CAST: variants seen among roughly 807,000 people sequenced by gnomAD.
CAST encodes MIR583 host.
In CAST, 76 loss-of-function variants were observed where a neutral mutation model predicts 119.6. The observed-to-expected ratio is 0.64, with a 90% CI of 0.53 to 0.77. The LOEUF (loss-of-function observed/expected upper bound fraction) is 0.77. Among genes scored for constraint, CAST ranks in the 30% least tolerant of loss-of-function variants. The pLI, the probability that CAST is intolerant of heterozygous loss-of-function variation, is 0.00. For missense variants in CAST, 953 were observed against 946.5 expected, an observed-to-expected ratio of 1.01 and a Z score of -0.09; for synonymous variants, 319 against 331.6, an observed-to-expected ratio of 0.96 and a Z score of 0.41.
the CAST span, among the ~76,000 whole-genome samples, chr5:96,076,554 T>G: frequency 6.6e-6 from 1 of 152,224 alleles, no homozygotes; most frequent in Admixed American, 6.5e-5. Flanking sequence ...AAAACAACTT[T>G]GGAGCCATCC....
chr5:96,730,867 A>C lies in CAST; in HGVS notation c.630+7A>C, dbSNP rs1488072110. ...TGGCAAGCCGGGTGACAAGGTGAGCACACACAAGCAGACGGAAACGTGGGC... is the reference window on the plus strand; with the variant it reads ...TGGCAAGCCGGGTGACAAGGTGAGCCCACACAAGCAGACGGAAACGTGGGC... On this transcript the variant is annotated splice_region_variant and intron_variant, in intron 9 of 31. Transcript: ENST00000675179. The C allele has an allele frequency of 6.2e-7, 1 of 1,604,900 alleles. No individual in the cohort carries two copies. The highest frequency in any genetic ancestry group is 8.5e-7 in the Non-Finnish European group (1 of 1,171,554).
the CAST span, among the ~76,000 whole-genome samples, chr5:96,297,648 TC>T: frequency 2.0e-5 from 3 of 152,180 alleles, no homozygotes; most frequent in Non-Finnish European, 4.4e-5. Flanking sequence ...TAGAAATATA[TC>T]CTTTGCTAGT....
chr5:96,458,017 GACTTCAT>G, the CAST span, among the ~76,000 whole-genome samples: 1 of 152,174 alleles, frequency 6.6e-6, no homozygotes, highest in African/African-American at 2.4e-5. Context: ...GCTGCTGTCT[GACTTCAT>G]GGGTTAACAG....
At chr5:96,727,885 T>A (rs1455460314) in intron 6 of CAST, among the ~76,000 whole-genome samples, 1 of 152,150 alleles carries the variant, frequency 6.6e-6, no homozygotes, top group Non-Finnish European at 1.5e-5. Context: ...CCAATTCCAA[T>A]GAGACATCAA....
chr5:96,685,522 A>G (rs1333639436), intron 2 of CAST, among the ~76,000 whole-genome samples: 1 of 152,240 alleles, frequency 6.6e-6, no homozygotes, highest in Non-Finnish European at 1.5e-5. Context: ...TGTACATTAT[A>G]AAAATAGTTC....
the CAST span, among the ~76,000 whole-genome samples, chr5:96,517,905 C>A: frequency 6.6e-6 from 1 of 152,126 alleles, no homozygotes; most frequent in Non-Finnish European, 1.5e-5. Flanking sequence ...GTGTTAAGCC[C>A]TTTGTGAATA....
intron 1 of CAST, among the ~76,000 whole-genome samples, chr5:96,550,026 C>A (rs1397612721): frequency 6.6e-6 from 1 of 152,200 alleles, no homozygotes; most frequent in Admixed American, 6.5e-5. Context: ...CTTAAACGTC[C>A]CTGCCCGACA....
upstream of CAST, among the ~76,000 whole-genome samples, chr5:96,526,250 G>T (rs2150176218): frequency 6.6e-6 from 1 of 152,326 alleles, no homozygotes; most frequent in East Asian, 1.9e-4. Flanking sequence ...GCAGCCAGAT[G>T]ACTGAGACTT....
chr5:96,049,837 T>A, the CAST span, among the ~76,000 whole-genome samples: 1 of 118,690 alleles, frequency 8.4e-6, no homozygotes, highest in Non-Finnish European at 1.6e-5. Context: ...TGAACAGAAC[T>A]GAGATTAGAA....
intron 1 of CAST, among the ~76,000 whole-genome samples, chr5:96,654,027 CTT>C (rs71617134): frequency 3.1e-4 from 39 of 126,924 alleles, no homozygotes; most frequent in Admixed American, 7.7e-4. Flanking sequence ...CTTTTCTTTT[CTT>C]TTTTTTTTTT....
At chr5:96,650,068 G>A (rs117669346) in intron 1 of CAST, among the ~76,000 whole-genome samples, 1 of 152,322 alleles carries the variant, frequency 6.6e-6, no homozygotes, top group East Asian at 1.9e-4. Flanking sequence ...TACACAGTGA[G>A]GAAGTGGCAG....
the CAST span, among the ~76,000 whole-genome samples, chr5:96,237,834 C>G: frequency 1.3e-5 from 2 of 152,030 alleles, no homozygotes; most frequent in Non-Finnish European, 2.9e-5. Flanking sequence ...AAGAATTTCT[C>G]ATGGTTTTGT....
chr5:96,764,103 A>G (rs1391102202), intron 25 of CAST, among the ~76,000 whole-genome samples: 1 of 152,212 alleles, frequency 6.6e-6, no homozygotes, highest in Non-Finnish European at 1.5e-5. Flanking sequence ...TGTCTTATAC[A>G]ATGTAGATAT....
the CAST span, among the ~76,000 whole-genome samples, chr5:96,216,929 T>A: frequency 6.6e-6 from 1 of 152,220 alleles, no homozygotes; most frequent in Admixed American, 6.5e-5. Context: ...GAGCTCTTTT[T>A]ATCCATTGTG....
rs112892192 is a variant in CAST at position 96,533,116 on chromosome 5, G to A, written c.60+3236G>A. Among the ~76,000 whole-genome samples, 1,101 of 152,212 alleles carry A rather than the reference G, an allele frequency of 7.2e-3. 13 individuals are homozygous for A. Among genetic ancestry groups the A allele is most frequent in the African/African-American group, 0.025 (1,051 of 41,536 alleles). ...GAGCACTAGAAGACAACAGAGCAAT[G>A]AGAAATTTTTAGTAGAAATTATTTT... is the stretch of plus-strand genomic sequence containing the variant. On this transcript the variant is annotated intron_variant, in intron 1 of 11. Coordinates refer to the CAST transcript ENST00000505143.
At chr5:96,636,806 G>C (rs1042065087) in intron 1 of CAST, among the ~76,000 whole-genome samples, 7 of 152,108 alleles carry the variant, frequency 4.6e-5, no homozygotes, top group African/African-American at 1.7e-4. Context: ...TACGACATTT[G>C]CAGAAGTGTG....
At chr5:96,095,805 A>G in the CAST span, among the ~76,000 whole-genome samples, 1 of 152,132 alleles carries the variant, frequency 6.6e-6, no homozygotes, top group East Asian at 1.9e-4. Context: ...ACATCTTCAG[A>G]AAAGACATAA....
chr5:96,102,601 G>A, the CAST span, among the ~76,000 whole-genome samples: 14 of 152,104 alleles, frequency 9.2e-5, no homozygotes, highest in African/African-American at 1.7e-4. Flanking sequence ...CCAGGGACCC[G>A]CCCCTGCCTG....
At chr5:96,371,220 G>A in the CAST span, among the ~76,000 whole-genome samples, 2 of 152,154 alleles carry the variant, frequency 1.3e-5, no homozygotes, top group East Asian at 3.9e-4. Flanking sequence ...AGCTCATTAT[G>A]TAGGAAGGCT....
Sources: allele counts gnomAD v4.1 joint callset (sites outside exome capture counted in the v4.1 genomes callset), GRCh38; gene constraint gnomAD v4.1.1; transcripts MANE v1.5; gene names NCBI Gene and HGNC (gene_info 2026-07-23, HGNC 2026-07-21).